The following BMPR2 variants were observed in gnomAD, a reference collection of about 807,000 sequenced individuals.
BMPR2 encodes the protein bone morphogenetic protein receptor type-2.
In BMPR2, 29 loss-of-function variants were observed where a neutral mutation model predicts 100.8. That is an observed-to-expected ratio of 0.29 (90% CI 0.21 to 0.39). The LOEUF (loss-of-function observed/expected upper bound fraction) is 0.39, where lower values mean the gene tolerates loss of function less well. Among genes scored for constraint, BMPR2 ranks in the 10% least tolerant of loss-of-function variants. The pLI, the probability that BMPR2 is intolerant of heterozygous loss-of-function variation, is 1.00. For synonymous variants in BMPR2, 382 were observed against 442.3 expected (o/e 0.86, Z 1.71); for missense variants, 1,011 against 1,274.5 (o/e 0.79, Z 3.15).
Position 202,503,082 on chromosome 2 carries a change from C to T in BMPR2, c.419-10637C>T, listed in dbSNP as rs529368917. ...GGCACTTCCCCTGGCCTAGAGAGTT[C>T]CCCTCTGAAGGACACTACAACTGCA... On this transcript the variant is annotated intron_variant, in intron 3 of 12. Coordinates refer to ENST00000374580, the MANE Select transcript of BMPR2 (RefSeq NM_001204.7). The surrounding 1 kb of genome is among the most constrained non-coding windows in gnomAD (Gnocchi z 4.0). Among the ~76,000 whole-genome samples, 2 of 152,370 alleles carry T rather than the reference C, an allele frequency of 1.3e-5. No homozygotes were observed. Among genetic ancestry groups the T allele is most frequent in the African/African-American group, 4.8e-5 (2 of 41,592 alleles).
chr2:202,435,376 C>CATACATATATATATATAT (rs1553500538), intron 1 of BMPR2, among the ~76,000 whole-genome samples: 1 of 103,450 alleles, frequency 9.7e-6, no homozygotes, highest in African/African-American at 4.2e-5. Flanking sequence ...AAAAAAAATA[C>CATACATATATATATATAT]ATATATATAT....
At chr2:202,554,205 C>T (rs1688525410) in intron 11 of BMPR2, among the ~76,000 whole-genome samples, 2 of 152,146 alleles carry the variant, frequency 1.3e-5, no homozygotes, top group East Asian at 1.9e-4. Flanking sequence ...TTTATCTCCC[C>T]TCATCTCTGT....
rs182094368 is a variant in BMPR2, at chr2:202,412,190, T to C, written c.76+34640T>C. ...TATTAGAGACACATGCGTATGTGTC[T>C]CTAATAATCTTAAATATATTTAAGA... On this transcript the variant is annotated intron_variant, in intron 1 of 12. Coordinates refer to ENST00000374580, the MANE Select transcript of BMPR2 (RefSeq NM_001204.7). Among the ~76,000 whole-genome samples the C allele has an allele frequency of 3.3e-5, 5 of 152,314 alleles. No homozygotes were observed. In the East Asian group the frequency reaches 9.6e-4, roughly 29 times the overall value.
chr2:202,559,364 A>C (rs1688642759), intron 12 of BMPR2, among the ~76,000 whole-genome samples: 1 of 152,178 alleles, frequency 6.6e-6, no homozygotes, highest in African/African-American at 2.4e-5. Flanking sequence ...ACAATAATTA[A>C]GTACATTTTA....
intron 3 of BMPR2, among the ~76,000 whole-genome samples, chr2:202,504,135 C>T (rs1687466606): frequency 6.6e-6 from 1 of 152,086 alleles, no homozygotes; most frequent in Non-Finnish European, 1.5e-5. Context: ...CCACTCGGCT[C>T]TACCAATCAG....
rs951214033 is a variant in BMPR2, at chr2:202,444,968, A to G, written c.77-19841A>G. Among the ~76,000 whole-genome samples, 7 of 149,614 alleles carry G rather than the reference A, an allele frequency of 4.7e-5. 2 individuals carry two copies. Among genetic ancestry groups the G allele is most frequent in the African/African-American group, 1.8e-4 (7 of 39,364 alleles). On this transcript the variant is annotated intron_variant, in intron 1 of 12. Coordinates refer to ENST00000374580, the MANE Select transcript of BMPR2 (RefSeq NM_001204.7). ...CATGCCTGGCTAATTTTGTATTTTT[A>G]GTAGAGGTGGCGTTTCACCATATTG...
rs1037694714 is a variant in BMPR2 at position 202,415,459 on chromosome 2, G to C, written c.76+37909G>C. Among the ~76,000 whole-genome samples, 4 of 152,094 alleles carry C rather than the reference G, an allele frequency of 2.6e-5. No homozygotes were observed. In the South Asian group the frequency reaches 6.2e-4, roughly 24 times the overall value. On this transcript the variant is annotated intron_variant, in intron 1 of 12. Coordinates refer to ENST00000374580, the MANE Select transcript of BMPR2 (RefSeq NM_001204.7). ...GCACTCCAGCCTGGGCAACAAGAGCGGAACTGCATCTCAAAAGAAAAATAA... is the reference window on the plus strand; with the variant it reads ...GCACTCCAGCCTGGGCAACAAGAGCCGAACTGCATCTCAAAAGAAAAATAA...
intron 12 of BMPR2, among the ~76,000 whole-genome samples, chr2:202,557,670 GA>G (rs961173241): frequency 6.6e-6 from 1 of 151,486 alleles, no homozygotes; most frequent in Non-Finnish European, 1.5e-5. Flanking sequence ...TCCATCTCAG[GA>G]AAAAAAATAA....
intron 7 of BMPR2, among the ~76,000 whole-genome samples, chr2:202,522,325 G>A (rs1331713648): frequency 6.6e-6 from 1 of 151,916 alleles, no homozygotes; most frequent in Non-Finnish European, 1.5e-5. Context: ...GACCAACATG[G>A]TGAAACCCCG....
intron 10 of BMPR2, among the ~76,000 whole-genome samples, chr2:202,549,604 C>T (rs1301440728): frequency 2.0e-5 from 3 of 151,722 alleles, no homozygotes; most frequent in Admixed American, 6.6e-5. Flanking sequence ...CAAAAATTAG[C>T]CGGGTGTGGT....
At chr2:202,467,441 T>C (rs781545244) in intron 2 of BMPR2, 78 bp from the exon 3 acceptor site, 95 of 1,251,172 alleles carry the variant, frequency 7.6e-5, no homozygotes, top group Non-Finnish European at 1.1e-4. Flanking sequence ...TTTATTGAAA[T>C]TACTGCTTAG....
rs978874389 is a variant in BMPR2 at position 202,532,910 on chromosome 2, T to A, written c.1276+178T>A. ...TTAGCAGCAGGATGCAAATTAGGAA[T>A]TTTTTTTTTTAGAGTACTCCAGGTT... On this transcript the variant is annotated intron_variant, in intron 9 of 12. Transcript: ENST00000374580. The surrounding 1 kb of genome is among the most constrained non-coding windows in gnomAD (Gnocchi z 4.1). Among the ~76,000 whole-genome samples, 2 of 148,512 alleles carry A rather than the reference T, an allele frequency of 1.3e-5. No homozygotes were observed. The highest frequency in any genetic ancestry group is 3.0e-5 in the Non-Finnish European group (2 of 66,750).
chr2:202,474,402 A>G (rs1692496933), intron 3 of BMPR2, among the ~76,000 whole-genome samples: 2 of 152,016 alleles, frequency 1.3e-5, no homozygotes, highest in African/African-American at 4.8e-5. Flanking sequence ...CGGAGGTTGC[A>G]GTAAGCTGAG....
chr2:202,468,349 C>T (rs1203448129), intron 3 of BMPR2, among the ~76,000 whole-genome samples: 1 of 151,970 alleles, frequency 6.6e-6, no homozygotes, highest in African/African-American at 2.4e-5. Flanking sequence ...CGTGGTGGTG[C>T]GCATGTGTAG....
chr2:202,544,603 T>G (rs2106033234), intron 10 of BMPR2, among the ~76,000 whole-genome samples: 1 of 152,212 alleles, frequency 6.6e-6, no homozygotes, highest in South Asian at 2.1e-4. Flanking sequence ...TTTTTCTCTA[T>G]AAGCTTTTAA....
intron 1 of BMPR2, among the ~76,000 whole-genome samples, chr2:202,381,206 C>A (rs1690286293): frequency 6.6e-6 from 1 of 152,006 alleles, no homozygotes; most frequent in Admixed American, 6.6e-5. Context: ...AACTCCTGAC[C>A]TCGTGATCTG....
chr2:202,415,344 G>A (rs1303483033), intron 1 of BMPR2, among the ~76,000 whole-genome samples: 1 of 152,142 alleles, frequency 6.6e-6, no homozygotes, highest in East Asian at 1.9e-4. Flanking sequence ...GTTGCTGCAT[G>A]CCTGTAATCC....
chr2:202,453,166 A>C (rs1692021890), intron 1 of BMPR2, among the ~76,000 whole-genome samples: 1 of 151,872 alleles, frequency 6.6e-6, no homozygotes, highest in African/African-American at 2.4e-5. Context: ...TGACGTGATC[A>C]AATTGTGGAT....
intron 3 of BMPR2, among the ~76,000 whole-genome samples, chr2:202,491,333 G>T (rs72925083): frequency 1.3e-5 from 2 of 151,972 alleles, no homozygotes; most frequent in Admixed American, 6.6e-5. Flanking sequence ...CTGAGATTGC[G>T]GTCATGAGCC....
Sources: allele counts gnomAD v4.1 joint callset (sites outside exome capture counted in the v4.1 genomes callset), GRCh38; gene constraint gnomAD v4.1.1; non-coding constraint Gnocchi (gnomAD v3.1); transcripts MANE v1.5; gene names NCBI Gene and HGNC (gene_info 2026-07-23, HGNC 2026-07-21).